FBXO34: variants seen among roughly 807,000 people sequenced by gnomAD.
The protein encoded by FBXO34 is F-box protein 34, also known as F-box only protein 34.
A neutral mutation model predicts 24.5 loss-of-function variants in FBXO34; 12 were observed. The ratio of observed to expected loss-of-function variants is 0.49; its 90% CI spans 0.31 to 0.79. FBXO34 has a LOEUF of 0.79. Ranked by LOEUF, FBXO34 falls within the 30% of genes least tolerant of loss-of-function variation. The probability of loss-of-function intolerance (pLI) is 0.04; values close to 1 mark genes in which losing one functional copy is unlikely to be tolerated. For missense variants in FBXO34, 823 were observed against 857.7 expected, an observed-to-expected ratio of 0.96 and a Z score of 0.51; for synonymous variants, 320 against 311.9, an observed-to-expected ratio of 1.03 and a Z score of -0.27.
intron 1 of FBXO34, among the ~76,000 whole-genome samples, chr14:55,344,041 G>A (rs1310074970): frequency 2.6e-5 from 4 of 152,264 alleles, no homozygotes; most frequent in South Asian, 2.1e-4. Context: ...CTGGAATAAA[G>A]TTGCTCAAAT....
At chr14:55,282,364 A>G (rs1453484769) in intron 1 of FBXO34, 5 of 446,942 alleles carry the variant, frequency 1.1e-5, no homozygotes, top group Non-Finnish European at 1.8e-5. Context: ...TTGATAAGGA[A>G]GGCACCCTTG....
chr14:55,381,551 G>C, the FBXO34 span, among the ~76,000 whole-genome samples: 1 of 152,138 alleles, frequency 6.6e-6, no homozygotes, highest in African/African-American at 2.4e-5. Flanking sequence ...CCATATGATG[G>C]AATATTACTC....
At chr14:55,343,905 T>C (rs1368275723) in intron 1 of FBXO34, among the ~76,000 whole-genome samples, 3 of 152,242 alleles carry the variant, frequency 2.0e-5, no homozygotes, top group Non-Finnish European at 4.4e-5. Context: ...TAGTTGTCTT[T>C]TATGGCTTCA....
intron 1 of FBXO34, chr14:55,325,717 C>G (rs544282697): frequency 6.6e-6 from 1 of 152,262 alleles, no homozygotes; most frequent in Non-Finnish European, 1.5e-5. Context: ...TCAGGTGAGC[C>G]GCCCACCTCG....
rs777122364 is a variant in FBXO34 at position 55,351,442 on chromosome 14, G to T, written c.1052G>T (p.Gly351Val). Residue 351 changes from glycine to valine, a missense_variant, in exon 2 of 2, where the codon GGC (glycine) becomes GTC (valine). Gly to Val is a moderately radical substitution (Grantham distance 109). Transcript: ENST00000313833. ...GTGGGGTCTGTATCTGTGGATTGTGGCCCTTCAAGAGCTGATCGTTGTTCT... is the reference window on the plus strand; with the variant it reads ...GTGGGGTCTGTATCTGTGGATTGTGTCCCTTCAAGAGCTGATCGTTGTTCT... ...NPVGSVSVDC[G>V]PSRADRCSPK... 8 of 1,614,054 alleles carry T rather than the reference G, an allele frequency of 5.0e-6. No individual in the cohort carries two copies. Among genetic ancestry groups the T allele is most frequent in the Non-Finnish European group, 5.9e-6 (7 of 1,180,042 alleles).
the FBXO34 span, among the ~76,000 whole-genome samples, chr14:55,378,293 A>G: frequency 3.3e-5 from 5 of 152,236 alleles, no homozygotes; most frequent in Non-Finnish European, 7.3e-5. Flanking sequence ...TGACCAAGCA[A>G]TTCCACGTCA....
chr14:55,378,797 C>G, the FBXO34 span, among the ~76,000 whole-genome samples: 1 of 152,190 alleles, frequency 6.6e-6, no homozygotes, highest in African/African-American at 2.4e-5. Flanking sequence ...CCTCAATCTC[C>G]TGGGCTCAAG....
the FBXO34 span, among the ~76,000 whole-genome samples, chr14:55,377,474 T>A: frequency 6.6e-6 from 1 of 152,124 alleles, no homozygotes; most frequent in Admixed American, 6.5e-5. Context: ...TAAAGGGGTC[T>A]ATGTCCAGGA....
At chr14:55,441,535 A>G in the FBXO34 span, among the ~76,000 whole-genome samples, 2 of 151,940 alleles carry the variant, frequency 1.3e-5, no homozygotes, top group Non-Finnish European at 2.9e-5. Flanking sequence ...TTACATTATC[A>G]TTACTTCTCA....
intron 1 of FBXO34, chr14:55,339,638 G>C (rs904185822): frequency 3.3e-5 from 5 of 152,098 alleles, no homozygotes; most frequent in African/African-American, 9.7e-5. Context: ...CCCAATGATT[G>C]ATTTATCTAT....
chr14:55,440,750 G>A, the FBXO34 span: 2 of 559,572 alleles, frequency 3.6e-6, no homozygotes, highest in Non-Finnish European at 6.2e-6. Flanking sequence ...CCCGCAGCTG[G>A]GAAGGGCCTG....
intron 1 of FBXO34, among the ~76,000 whole-genome samples, chr14:55,350,160 TAAA>T (rs60811559): frequency 1.0e-4 from 14 of 139,048 alleles, no homozygotes; most frequent in Non-Finnish European, 1.9e-4. Flanking sequence ...TTATTTTCTG[TAAA>T]AAAAAAAAAA....
the FBXO34 span, chr14:55,411,716 A>G: frequency 1.9e-6 from 3 of 1,612,542 alleles, no homozygotes; most frequent in East Asian, 2.2e-5. Flanking sequence ...AGCCACGTAC[A>G]GCCCCTCCGC....
rs897893003 is a variant in FBXO34 at position 55,314,743 on chromosome 14, A to T, written c.-10-35638A>T. Among the ~76,000 whole-genome samples, 3 of 152,198 alleles carry T rather than the reference A, an allele frequency of 2.0e-5. No homozygotes were observed. The East Asian group carries it at 5.8e-4, about 29-fold the overall frequency. On this transcript the variant is annotated intron_variant, in intron 1 of 1. Coordinates refer to ENST00000313833, the MANE Select transcript of FBXO34 (RefSeq NM_017943.4). The stretch of plus-strand genomic sequence containing the variant: ...AAATTTAATCTGAAAAAAGAACTAA[A>T]ACATTTTGAACTTTTATCACTATTC...
chr14:55,356,949 C>T (rs761958920), downstream of FBXO34, among the ~76,000 whole-genome samples: 1 of 152,066 alleles, frequency 6.6e-6, no homozygotes, highest in Non-Finnish European at 1.5e-5. Context: ...AGTTTTGCCA[C>T]GTTGCCCAGG....
intron 1 of FBXO34, among the ~76,000 whole-genome samples, chr14:55,306,959 C>T (rs1882569938): frequency 6.6e-6 from 1 of 152,186 alleles, no homozygotes. Flanking sequence ...AACTTAGCAT[C>T]TGCATTGGAA....
downstream of FBXO34, among the ~76,000 whole-genome samples, chr14:55,373,374 C>T (rs10131730): frequency 0.3 from 44,989 of 151,954 alleles, 7,037 homozygotes; most frequent in Non-Finnish European, 0.33. Flanking sequence ...CATTGATGGA[C>T]ACAGAAACTG....
chr14:55,296,086 G>A (rs1391678272), intron 1 of FBXO34, among the ~76,000 whole-genome samples: 1 of 152,110 alleles, frequency 6.6e-6, no homozygotes, highest in Admixed American at 6.6e-5. Flanking sequence ...GCCTGTAGTT[G>A]AAGACCAGCC....
At chr14:55,339,985 C>A (rs566506234) in intron 1 of FBXO34, among the ~76,000 whole-genome samples, 1 of 152,156 alleles carries the variant, frequency 6.6e-6, no homozygotes, top group African/African-American at 2.4e-5. Context: ...TTCCCCACCC[C>A]CTTCACTCCC....
Sources: gnomAD v4.1 joint callset for allele counts (sites outside exome capture counted in the v4.1 genomes callset) on GRCh38, gnomAD v4.1.1 for gene constraint, MANE v1.5 for transcripts, NCBI Gene and HGNC (gene_info 2026-07-23, HGNC 2026-07-21) for gene names.